Variants in WDSUB1 observed in about 807,000 individuals in gnomAD.
WDSUB1 encodes WD repeat, sterile alpha motif and U-box domain containing 1, also known as WD repeat, SAM and U-box domain-containing protein 1.
A neutral mutation model predicts 53.9 loss-of-function variants in WDSUB1; 49 were observed. The observed-to-expected ratio is 0.91, with a 90% CI of 0.72 to 1.15. The LOEUF (loss-of-function observed/expected upper bound fraction) is 1.15, where lower values mean the gene tolerates loss of function less well. WDSUB1 is among the 50% of genes most tolerant of loss of function. The probability of loss-of-function intolerance (pLI) is 0.00; values close to 1 mark genes in which losing one functional copy is unlikely to be tolerated. For missense variants in WDSUB1, 514 were observed against 562.0 expected (o/e 0.91, Z 0.86); for synonymous variants, 194 against 200.6 (o/e 0.97, Z 0.28).
At chr2:159,271,818 G>A (rs559858727) in intron 4 of WDSUB1, 23 bp from the exon 5 acceptor site, 26 of 1,581,392 alleles carry the variant, frequency 1.6e-5, no homozygotes, top group Admixed American at 5.1e-5. Flanking sequence ...AGGTAACAGA[G>A]ATTAGAAAGC....
chr2:159,270,539 T>A (rs1349572212), intron 5 of WDSUB1, among the ~76,000 whole-genome samples: 1 of 152,136 alleles, frequency 6.6e-6, no homozygotes, highest in African/African-American at 2.4e-5. Context: ...CTCACAAATA[T>A]ATTGTCAGTG....
chr2:159,243,159 C>T (rs2060705342), intron 10 of WDSUB1, among the ~76,000 whole-genome samples: 1 of 147,492 alleles, frequency 6.8e-6, no homozygotes, highest in Non-Finnish European at 1.5e-5. Flanking sequence ...CAAAGTAACA[C>T]AGGAAGGTTA....
In WDSUB1 at chr2:159,286,078, T is replaced by G. The variant is rs1186055870; in HGVS notation, c.-25+505A>C. Among the ~76,000 whole-genome samples, 4 of 152,158 alleles carry G rather than the reference T, an allele frequency of 2.6e-5. No individual in the cohort carries two copies. The East Asian group carries it at 7.7e-4, about 29-fold the overall frequency. On this transcript the variant is annotated intron_variant, in intron 1 of 10. Coordinates refer to ENST00000359774, the MANE Select transcript of WDSUB1 (RefSeq NM_001128212.3). ...AAAGCTCTCAGGCCTACCCAGGACC[T>G]GCCTTGGGGTAGGGGGGGCGGTGTG...
chr2:159,246,776 G>A (rs1291706387), intron 10 of WDSUB1, among the ~76,000 whole-genome samples: 1 of 152,110 alleles, frequency 6.6e-6, no homozygotes, highest in African/African-American at 2.4e-5. Context: ...AACATATTAT[G>A]GCATATCTAT....
intron 3 of WDSUB1, among the ~76,000 whole-genome samples, chr2:159,276,986 C>T (rs961600773): frequency 5.3e-5 from 8 of 152,122 alleles, no homozygotes; most frequent in South Asian, 2.1e-4. Context: ...GCCTGGATGA[C>T]GGAGCAAGAC....
At chr2:159,242,120 G>A (rs572002097) in intron 10 of WDSUB1, among the ~76,000 whole-genome samples, 10 of 146,610 alleles carry the variant, frequency 6.8e-5, no homozygotes, top group Middle Eastern at 3.4e-3. Flanking sequence ...GCACGATCTC[G>A]GCTCACTGCA....
chr2:159,247,917 A>G (rs1418598282), intron 10 of WDSUB1, among the ~76,000 whole-genome samples: 1,873 of 78,356 alleles, frequency 0.024, 95 homozygotes, highest in African/African-American at 0.15. Flanking sequence ...ATAAATATAT[A>G]TATATATATA....
intron 4 of WDSUB1, among the ~76,000 whole-genome samples, chr2:159,275,064 A>G (rs1364256638): frequency 6.6e-6 from 1 of 152,208 alleles, no homozygotes; most frequent in African/African-American, 2.4e-5. Flanking sequence ...AGGAGGCCCA[A>G]CATTCAATTA....
Position 159,259,850 on chromosome 2 carries a change from A to G in WDSUB1, c.771-7T>C. The G allele has an allele frequency of 6.6e-7, 1 of 1,515,656 alleles. No homozygotes were observed. The highest frequency in any genetic ancestry group is 9.0e-7 in the Non-Finnish European group (1 of 1,115,272). 93.9% of individuals were successfully genotyped at this position (1,515,656 alleles called of 1,614,324 possible). A position where few individuals can be genotyped will look rare whatever the true frequency, so the allele number is the denominator to read the frequency against. On this transcript the variant is annotated splice_region_variant and splice_polypyrimidine_tract_variant and intron_variant, in intron 5 of 10. Coordinates refer to ENST00000359774, the MANE Select transcript of WDSUB1 (RefSeq NM_001128212.3). ...GACAGACTTATCCACTGACCTTAAA[A>G]GAAAATAAATTATAGGTGAAAAGTT...
chr2:159,258,380 C>T (rs1161230360), intron 6 of WDSUB1, among the ~76,000 whole-genome samples: 2 of 152,150 alleles, frequency 1.3e-5, no homozygotes, highest in African/African-American at 2.4e-5. Flanking sequence ...GTCCCTTGGC[C>T]GGGTGCAGTG....
intron 5 of WDSUB1, among the ~76,000 whole-genome samples, chr2:159,264,350 A>G (rs2061291546): frequency 6.6e-6 from 1 of 152,198 alleles, no homozygotes; most frequent in Non-Finnish European, 1.5e-5. Flanking sequence ...GTAGAGAAAA[A>G]ACATGATTTG....
intron 5 of WDSUB1, among the ~76,000 whole-genome samples, chr2:159,262,892 C>T (rs2061255807): frequency 6.6e-6 from 1 of 152,176 alleles, no homozygotes; most frequent in Non-Finnish European, 1.5e-5. Flanking sequence ...GTATTTTCTT[C>T]CTGCTATAGT....
chr2:159,272,757 A>G (rs1193236938), intron 4 of WDSUB1, among the ~76,000 whole-genome samples: 1 of 152,212 alleles, frequency 6.6e-6, no homozygotes, highest in Non-Finnish European at 1.5e-5. Context: ...TAAATAATCA[A>G]TGGTAATTTA....
At chr2:159,251,999 C>G (rs907321009) in intron 9 of WDSUB1, among the ~76,000 whole-genome samples, 1 of 152,098 alleles carries the variant, frequency 6.6e-6, no homozygotes, top group Non-Finnish European at 1.5e-5. Context: ...GGCCAGTTAC[C>G]AAGACAGCAC....
At chr2:159,247,896 T>TATATATAAATATATATATATATAA (rs1559531769) in intron 10 of WDSUB1, among the ~76,000 whole-genome samples, 2 of 53,988 alleles carry the variant, frequency 3.7e-5, no homozygotes, top group Non-Finnish European at 6.2e-5. Context: ...AATATATATA[T>TATATATAAATATATATATATATAA]ATATATATAT....
chr2:159,277,385 C>A lies in WDSUB1; in HGVS notation c.584-1747G>T, dbSNP rs771194687. ...TTTCTGTATTAGACCTAATTAGCAACGCTATTTGTTTCTTAACTAAATAGA... is the reference window on the plus strand; with the variant it reads ...TTTCTGTATTAGACCTAATTAGCAAAGCTATTTGTTTCTTAACTAAATAGA... On this transcript the variant is annotated intron_variant, in intron 3 of 10. Transcript: ENST00000359774. 3.3e-5 allele frequency among the ~76,000 whole-genome samples: 5 copies of A among 152,252 alleles called. No homozygotes were observed. The South Asian group carries it at 6.2e-4, about 19-fold the overall frequency.
intron 10 of WDSUB1, among the ~76,000 whole-genome samples, chr2:159,236,655 T>TTTTG (rs71700060): frequency 8.9e-4 from 135 of 152,120 alleles, no homozygotes; most frequent in Non-Finnish European, 1.5e-3. Flanking sequence ...ACTTAGGTTT[T>TTTTG]TTTGTTTGTT....
intron 10 of WDSUB1, among the ~76,000 whole-genome samples, chr2:159,247,709 A>G (rs1395850758): frequency 6.6e-6 from 1 of 151,158 alleles, no homozygotes; most frequent in East Asian, 1.9e-4. Context: ...GCATAATGCC[A>G]TTTACAGTGT....
At chr2:159,238,959 T>A (rs2357166) in intron 10 of WDSUB1, among the ~76,000 whole-genome samples, 10,339 of 152,068 alleles carry the variant, frequency 0.068, 738 homozygotes, top group African/African-American at 0.17. Context: ...TGTTTTTATG[T>A]AGGGTTGAAA....
Sources: gnomAD v4.1 joint callset for allele counts (sites outside exome capture counted in the v4.1 genomes callset) on GRCh38, gnomAD v4.1.1 for gene constraint, MANE v1.5 for transcripts, NCBI Gene and HGNC (gene_info 2026-07-23, HGNC 2026-07-21) for gene names.